MYO9A: variants seen among roughly 807,000 people sequenced by gnomAD.
MYO9A encodes unconventional myosin-IXa.
In MYO9A, 103 loss-of-function variants were observed where a neutral mutation model predicts 293.3. The observed-to-expected ratio is 0.35, with a 90% CI of 0.30 to 0.41. The LOEUF (loss-of-function observed/expected upper bound fraction) is 0.41, where lower values mean the gene tolerates loss of function less well. Among genes scored for constraint, MYO9A ranks in the 10% least tolerant of loss-of-function variants. MYO9A has a pLI of 1.00. For missense variants in MYO9A, 2,685 were observed against 3,033.0 expected (o/e 0.89, Z 2.69); for synonymous variants, 1,001 against 1,035.7 (o/e 0.97, Z 0.64).
At chr15:71,867,273 T>C (rs1382102362) in intron 32 of MYO9A, among the ~76,000 whole-genome samples, 1 of 152,086 alleles carries the variant, frequency 6.6e-6, no homozygotes, top group African/African-American at 2.4e-5. Context: ...AATTTAAATG[T>C]AAAAAATGTG....
intron 1 of MYO9A, 96 bp from the exon 2 acceptor site, chr15:72,046,730 T>C (rs2078395947): frequency 1.4e-6 from 1 of 737,946 alleles, no homozygotes; most frequent in Non-Finnish European, 2.0e-6. Flanking sequence ...GATTACATCT[T>C]CTAAAACACA....
At chr15:71,995,449 C>T (rs2076671050) in intron 9 of MYO9A, among the ~76,000 whole-genome samples, 1 of 151,904 alleles carries the variant, frequency 6.6e-6, no homozygotes, top group Non-Finnish European at 1.5e-5. Flanking sequence ...TTTCCTCACT[C>T]TAAGCTTTCC....
rs2054384529 is a variant in MYO9A at position 71,824,384 on chromosome 15, T to A, written c.*2196A>T. On this transcript the variant is annotated 3_prime_UTR_variant, in exon 42 of 42. Transcript: ENST00000356056. Reference sequence around the variant, plus strand: ...TTAGAAGGAAGAACATGTGCCAACATATGTTCTTCTGGCCATTCCTCTGGG... The same window carrying A: ...TTAGAAGGAAGAACATGTGCCAACAAATGTTCTTCTGGCCATTCCTCTGGG... The A allele has an allele frequency of 6.6e-6, 1 of 152,176 alleles. No individual in the cohort carries two copies. Among genetic ancestry groups the A allele is most frequent in the African/African-American group, 2.4e-5 (1 of 41,450 alleles). The allele number at this position is 152,176 out of a possible 1,614,324, so 9.4% of individuals were successfully genotyped here.
At chr15:71,855,997 T>C (rs1395703973) in intron 34 of MYO9A, among the ~76,000 whole-genome samples, 1 of 152,014 alleles carries the variant, frequency 6.6e-6, no homozygotes, top group Non-Finnish European at 1.5e-5. Context: ...GGAAACAAAA[T>C]CAAGGCCTTC....
chr15:72,086,293 G>A (rs1254552042), intron 1 of MYO9A, among the ~76,000 whole-genome samples: 2 of 152,208 alleles, frequency 1.3e-5, no homozygotes, highest in African/African-American at 4.8e-5. Context: ...TAGCCGGGTA[G>A]TGCTGGTAAG....
chr15:72,117,780 C>G lies in MYO9A; in HGVS notation c.-172G>C. The stretch of plus-strand genomic sequence containing the variant: ...TAGGACCGGAGATGGCAGAAGAGGC[C>G]GAGGCCACCGAGGGTCGGACGGTTC... On this transcript the variant is annotated 5_prime_UTR_variant, in exon 1 of 42. Transcript: ENST00000356056. The G allele has an allele frequency of 2.5e-6, 1 of 398,178 alleles. No homozygotes were observed. Among genetic ancestry groups the G allele is most frequent in the Non-Finnish European group, 4.4e-6 (1 of 225,474 alleles). The allele number at this position is 398,178 out of a possible 1,614,324, so 24.7% of individuals were successfully genotyped here.
At chr15:72,116,544 TTTA>T (rs200725617) in intron 1 of MYO9A, among the ~76,000 whole-genome samples, 2,031 of 152,246 alleles carry the variant, frequency 0.013, 25 homozygotes, top group African/African-American at 0.023. Flanking sequence ...GCAACAGAAG[TTTA>T]TTATTAAACC....
intron 12 of MYO9A, among the ~76,000 whole-genome samples, chr15:71,970,749 G>T (rs964968955): frequency 2.6e-5 from 4 of 152,188 alleles, no homozygotes; most frequent in Non-Finnish European, 5.9e-5. Context: ...TGTTAAAGCA[G>T]CTGCCAATCA....
chr15:72,057,982 C>T (rs2929520), intron 1 of MYO9A, among the ~76,000 whole-genome samples: 2,428 of 152,234 alleles, frequency 0.016, 71 homozygotes, highest in African/African-American at 0.054. Flanking sequence ...GGATACAGGT[C>T]GCCCTTGTTA....
chr15:71,920,073 A>G (rs1252103044), intron 18 of MYO9A, among the ~76,000 whole-genome samples: 3 of 152,202 alleles, frequency 2.0e-5, no homozygotes, highest in Non-Finnish European at 4.4e-5. Flanking sequence ...AGGTTTATGA[A>G]AAAAAGATAA....
intron 18 of MYO9A, among the ~76,000 whole-genome samples, chr15:71,929,935 T>C (rs1027261563): frequency 6.6e-6 from 1 of 152,232 alleles, no homozygotes; most frequent in African/African-American, 2.4e-5. Flanking sequence ...GCTATCAGGG[T>C]AATGCTGGCC....
intron 39 of MYO9A, among the ~76,000 whole-genome samples, chr15:71,840,764 G>T (rs1019222619): frequency 6.6e-6 from 1 of 152,126 alleles, no homozygotes; most frequent in Non-Finnish European, 1.5e-5. Flanking sequence ...TGAGTAGCTG[G>T]GACTACAGGC....
In MYO9A at chr15:71,897,877, C is replaced by A. The variant is rs1567242010; in HGVS notation, c.4626G>T (p.Leu1542Phe). The A allele has an allele frequency of 6.2e-7, 1 of 1,614,096 alleles. No individual in the cohort carries two copies. Among genetic ancestry groups the A allele is most frequent in the Non-Finnish European group, 8.5e-7 (1 of 1,180,024 alleles). ...TTGACTGATAGGAAGATGGTGCCAC[C>A]AAACACTCTCCAATTCTTGGCTTTT... ...TIEKPRIGEC[L>F]VAPSSYQSKQ... Residue 1542 changes from leucine (L) to phenylalanine (F), a missense_variant, in exon 25 of 42, where the codon TTG becomes TTT. Transcript: ENST00000356056.
At chr15:72,057,227 C>T (rs1596481078) in intron 1 of MYO9A, among the ~76,000 whole-genome samples, 1 of 152,240 alleles carries the variant, frequency 6.6e-6, no homozygotes, top group Non-Finnish European at 1.5e-5. Flanking sequence ...AGAGATCACA[C>T]CACTGAACTC....
chr15:72,069,512 C>T lies in MYO9A; in HGVS notation c.-71-22878G>A, dbSNP rs1461006384. On this transcript the variant is annotated intron_variant, in intron 1 of 41. Transcript: ENST00000356056. Reference sequence around the variant, plus strand: ...AAAAACTTTATTACAGAGGGTTATACTTCACAATCCCTACTATCAACAGAA... The same window carrying T: ...AAAAACTTTATTACAGAGGGTTATATTTCACAATCCCTACTATCAACAGAA... 3.9e-5 allele frequency among the ~76,000 whole-genome samples: 6 copies of T among 152,040 alleles called. No homozygotes were observed. In the South Asian group the frequency reaches 1.2e-3, roughly 31 times the overall value.
chr15:72,109,186 C>T lies in MYO9A; in HGVS notation c.-72+8494G>A, dbSNP rs373613953. Among the ~76,000 whole-genome samples the T allele has an allele frequency of 1.6e-4, 25 of 151,742 alleles. 1 individual carries two copies. The East Asian group carries it at 3.7e-3, about 23-fold the overall frequency. On this transcript the variant is annotated intron_variant, in intron 1 of 41. Transcript: ENST00000356056. ...CAGGCAGATCATGAGGTCAGGAGGTCGAGACCATCCTGACTAACACCGTGA... is the reference window on the plus strand; with the variant it reads ...CAGGCAGATCATGAGGTCAGGAGGTTGAGACCATCCTGACTAACACCGTGA...
chr15:71,939,210 TCA>T lies in MYO9A; in HGVS notation c.2303-285_2303-284del, dbSNP rs148081370. On this transcript the variant is annotated intron_variant, in intron 15 of 41. Transcript: ENST00000356056. The stretch of plus-strand genomic sequence containing the variant: ...ACTGAAGGCCTAGAAGTGTACAAGT[TCA>T]TTTTTATTTTTAGGTTCAGGGGGTA... Among the ~76,000 whole-genome samples, 861 of 152,224 alleles carry T rather than the reference TCA, an allele frequency of 5.7e-3. 12 individuals carry two copies. Among genetic ancestry groups the T allele is most frequent in the African/African-American group, 0.02 (815 of 41,550 alleles).
intron 33 of MYO9A, among the ~76,000 whole-genome samples, chr15:71,860,786 G>A (rs1305687047): frequency 6.6e-6 from 1 of 151,666 alleles, no homozygotes; most frequent in East Asian, 1.9e-4. Flanking sequence ...GATCAACATG[G>A]TAAAACCCTG....
chr15:72,033,913 C>T (rs924866568), intron 2 of MYO9A, among the ~76,000 whole-genome samples: 14 of 152,100 alleles, frequency 9.2e-5, no homozygotes, highest in African/African-American at 2.4e-4. Flanking sequence ...TGATTCATTG[C>T]GGAGCTTTTT....
Sources: gnomAD v4.1 joint callset for allele counts (sites outside exome capture counted in the v4.1 genomes callset) on GRCh38, gnomAD v4.1.1 for gene constraint, MANE v1.5 for transcripts, NCBI Gene and HGNC (gene_info 2026-07-23, HGNC 2026-07-21) for gene names.